Variants in TRIM7 observed in about 807,000 individuals in gnomAD.
TRIM7 encodes tripartite motif containing 7.
A neutral mutation model predicts 37.9 loss-of-function variants in TRIM7; 32 were observed. The ratio of observed to expected loss-of-function variants is 0.84; its 90% CI spans 0.64 to 1.13. The LOEUF (loss-of-function observed/expected upper bound fraction) is 1.13, where lower values mean the gene tolerates loss of function less well. Among genes scored for constraint, TRIM7 ranks in the 50% most tolerant of loss-of-function variants. TRIM7 has a pLI of 0.00. For synonymous variants in TRIM7, 351 were observed against 321.3 expected, an observed-to-expected ratio of 1.09 and a Z score of -0.99; for missense variants, 732 against 714.0, an observed-to-expected ratio of 1.03 and a Z score of -0.29.
At chr5:181,195,798 A>G in intron 6 of TRIM7, 121 bp from the exon 7 acceptor site, 1 of 1,333,638 alleles carries the variant, frequency 7.5e-7, no homozygotes, top group South Asian at 1.7e-5. Context: ...TCCCCCCAGC[A>G]CCCAGCGCCA....
intron 3 of TRIM7, 139 bp from the exon 4 acceptor site, chr5:181,199,256 C>T: frequency 1.1e-6 from 1 of 923,758 alleles, no homozygotes; most frequent in Non-Finnish European, 1.7e-6. Context: ...GCGTGGGCCT[C>T]AGGGGCAGCA....
At chr5:181,200,454 GC>G in intron 2 of TRIM7, 2 of 1,191,622 alleles carry the variant, frequency 1.7e-6, no homozygotes, top group Non-Finnish European at 2.1e-6. Flanking sequence ...AACTGAGATT[GC>G]TTTTTCTTCC....
chr5:181,203,238 G>A, intron 2 of TRIM7: 1 of 1,189,542 alleles, frequency 8.4e-7, no homozygotes, highest in South Asian at 3.7e-5. Flanking sequence ...ATTACAAGAT[G>A]CTTCCGCAGG....
rs1221302005 is a variant in TRIM7, at chr5:181,195,458, C to T, written c.1244G>A (p.Arg415His). The T allele has an allele frequency of 1.9e-6, 3 of 1,611,278 alleles. No homozygotes were observed. Among genetic ancestry groups the T allele is most frequent in the Non-Finnish European group, 1.7e-6 (2 of 1,179,226 alleles). ...CAGGCCCTTTCGGCGCACGCTCTCGCGGGCCACGCCAAAGGCCCAGCCGTC... is the reference window on the plus strand; with the variant it reads ...CAGGCCCTTTCGGCGCACGCTCTCGTGGGCCACGCCAAAGGCCCAGCCGTC... ...SKDGWAFGVARESVRRKGLTP... is the reference protein window; with the variant it reads ...SKDGWAFGVAHESVRRKGLTP... Residue 415 changes from arginine (R) to histidine (H), a missense_variant, in exon 7 of 7, where the codon CGC (arginine) becomes CAC (histidine). By Grantham distance (29) the Arg-to-His change is conservative (BLOSUM62 0). Coordinates refer to ENST00000274773, the MANE Select transcript of TRIM7 (RefSeq NM_203293.3).
chr5:181,201,212 A>G (rs1757465872), intron 2 of TRIM7, among the ~76,000 whole-genome samples: 1 of 152,218 alleles, frequency 6.6e-6, no homozygotes, highest in East Asian at 1.9e-4. Context: ...GCCTTGTAGG[A>G]CATTTAGCCG....
At chr5:181,198,600 T>G in intron 5 of TRIM7, 90 bp downstream of exon 5, 1 of 897,338 alleles carries the variant, frequency 1.1e-6, no homozygotes, top group African/African-American at 1.7e-5. Flanking sequence ...ACACACAGCT[T>G]CTGGAAAGCA....
rs78866624 is a variant in TRIM7, at chr5:181,200,174, C to A, written c.619-93G>T. On this transcript the variant is annotated intron_variant, in intron 2 of 6. Transcript: ENST00000274773. Reference sequence around the variant, plus strand: ...GTCATCCCACAGGGCAAGGCTTCGTCCCTGTCACTGCTGGAGGATCGGAGA... The same window carrying A: ...GTCATCCCACAGGGCAAGGCTTCGTACCTGTCACTGCTGGAGGATCGGAGA... 10,533 of 1,606,194 alleles carry A rather than the reference C, an allele frequency of 6.6e-3. 50 individuals are homozygous for A. The highest frequency in any genetic ancestry group is 8.0e-3 in the Non-Finnish European group (9,390 of 1,175,342).
At chr5:181,203,719 C>A in intron 1 of TRIM7, 79 bp from the exon 2 acceptor site, 2 of 1,532,714 alleles carry the variant, frequency 1.3e-6, no homozygotes, top group Non-Finnish European at 1.7e-6. Flanking sequence ...TGGAGCCAGC[C>A]AGGAGAAAGG....
At chr5:181,199,627 T>G in intron 3 of TRIM7, 1 of 663,122 alleles carries the variant, frequency 1.5e-6, no homozygotes, top group East Asian at 2.9e-5. Flanking sequence ...GTCTCAAGCT[T>G]GTGATTCTGA....
intron 2 of TRIM7, chr5:181,202,297 A>G: frequency 6.7e-6 from 1 of 150,036 alleles, no homozygotes; most frequent in Non-Finnish European, 1.5e-5. Flanking sequence ...CTCCTGCCTC[A>G]GCCTCCCGAG....
chr5:181,198,973 C>A, intron 4 of TRIM7, 122 bp downstream of exon 4: 1 of 1,390,576 alleles, frequency 7.2e-7, no homozygotes, highest in Non-Finnish European at 1.0e-6. Flanking sequence ...CTCGGAAGGT[C>A]CCCAGGCAAG....
chr5:181,203,806 T>G (rs887225149), intron 1 of TRIM7, 166 bp from the exon 2 acceptor site: 3 of 1,376,712 alleles, frequency 2.2e-6, no homozygotes, highest in Admixed American at 3.5e-5. Context: ...GAGGTGACTC[T>G]GAAGGTCTCG....
At chr5:181,195,882 T>TA in intron 6 of TRIM7, 1 of 509,570 alleles carries the variant, frequency 2.0e-6, no homozygotes, top group East Asian at 3.3e-5. Context: ...AACAAGTACT[T>TA]ACTGAAATCA....
At chr5:181,200,456 T>C in intron 2 of TRIM7, 1 of 1,186,028 alleles carries the variant, frequency 8.4e-7, no homozygotes, top group Non-Finnish European at 1.0e-6. Flanking sequence ...CTGAGATTGC[T>C]TTTTCTTCCT....
At chr5:181,198,463 T>C (rs907146804) in intron 5 of TRIM7, among the ~76,000 whole-genome samples, 7 of 151,888 alleles carry the variant, frequency 4.6e-5, no homozygotes, top group African/African-American at 1.2e-4. Flanking sequence ...CTAACCCCAG[T>C]CCCCCAGCAG....
intron 2 of TRIM7, 196 bp downstream of exon 2, chr5:181,203,349 C>T (rs1042080091): frequency 2.1e-6 from 3 of 1,397,572 alleles, no homozygotes; most frequent in Non-Finnish European, 2.8e-6. Flanking sequence ...TATTTTAGCA[C>T]TGCTTTTCAC....
intron 6 of TRIM7, chr5:181,197,697 T>G: frequency 6.0e-6 from 1 of 165,338 alleles, no homozygotes; most frequent in Non-Finnish European, 1.3e-5. Flanking sequence ...AGACACACTC[T>G]GACTTAGCTC....
intron 2 of TRIM7, chr5:181,200,990 G>T: frequency 1.1e-6 from 1 of 881,298 alleles, no homozygotes; most frequent in Non-Finnish European, 1.4e-6. Flanking sequence ...CCAGTGGGGA[G>T]GGTGCACTTC....
Position 181,199,889 on chromosome 5 carries a change from G to A in TRIM7, c.811C>T (p.Gln271Ter). ...TQLSKLSSQIQETAQKPDLDF... is the reference protein window; with the variant it reads ...TQLSKLSSQI ...AGGTCAGGCTTTTGAGCTGTCTCCTGGATCTGGCTGCTGAGCTTGGACAGC... is the reference window on the plus strand; with the variant it reads ...AGGTCAGGCTTTTGAGCTGTCTCCTAGATCTGGCTGCTGAGCTTGGACAGC... Residue 271 changes from glutamine (Q) to a stop codon, truncating the protein, a stop_gained, in exon 3 of 7, where the codon CAG becomes TAG. Coordinates refer to ENST00000274773, the MANE Select transcript of TRIM7 (RefSeq NM_203293.3). LOFTEE classifies it high-confidence loss of function. 6.2e-7 allele frequency: 1 copy of A among 1,614,198 alleles called. No homozygotes were observed. Among genetic ancestry groups the A allele is most frequent in the Non-Finnish European group, 8.5e-7 (1 of 1,180,030 alleles).
Sources: gnomAD v4.1 joint callset for allele counts (sites outside exome capture counted in the v4.1 genomes callset) on GRCh38, gnomAD v4.1.1 for gene constraint, MANE v1.5 for transcripts, NCBI Gene and HGNC (gene_info 2026-07-23, HGNC 2026-07-21) for gene names.